GSE1: variants seen among roughly 807,000 people sequenced by gnomAD.
GSE1 encodes the protein genetic suppressor element 1.
In GSE1, 32 loss-of-function variants were observed where a neutral mutation model predicts 112.6. That is an observed-to-expected ratio of 0.28 (90% confidence interval 0.21 to 0.38). The LOEUF (loss-of-function observed/expected upper bound fraction) is 0.38. Ranked by LOEUF, GSE1 falls within the 10% of genes least tolerant of loss-of-function variation. GSE1 has a pLI of 1.00. For missense variants in GSE1, 2,348 were observed against 1,699.2 expected (o/e 1.38, Z -6.71); for synonymous variants, 1,115 against 735.6 (o/e 1.52, Z -8.35).
At chr16:85,555,137 G>A, upstream of GSE1, 4 of 985,338 alleles carry the variant, frequency 4.1e-6, no homozygotes, top group East Asian at 1.1e-4. Context: ...GCCGCCCGCC[G>A]CTGCGCCCCT....
intron 2 of GSE1, among the ~76,000 whole-genome samples, chr16:85,367,118 T>C (rs2047201043): frequency 1.3e-5 from 2 of 152,350 alleles, no homozygotes; most frequent in South Asian, 4.1e-4. Flanking sequence ...GCTGATAAAC[T>C]GTCACCAGGG....
intron 1 of GSE1, among the ~76,000 whole-genome samples, chr16:85,627,247 G>T: frequency 6.6e-6 from 1 of 151,212 alleles, no homozygotes; most frequent in African/African-American, 2.4e-5. Flanking sequence ...TGGGACCTGA[G>T]GGTTTTGCGG....
chr16:85,586,498 A>C (rs994284105), intron 1 of GSE1, among the ~76,000 whole-genome samples: 4 of 151,982 alleles, frequency 2.6e-5, no homozygotes, highest in Non-Finnish European at 5.9e-5. Context: ...CGGCCCTGGT[A>C]TGTTTGTTCT....
chr16:85,675,481 C>G lies in GSE1; in HGVS notation c.*2942C>G, dbSNP rs983533807. Reference sequence around the variant, plus strand: ...TCCACATTTTAGTCTACATTCTAATCTTAAAGGAATAAAGCACTGAATTGG... The same window carrying G: ...TCCACATTTTAGTCTACATTCTAATGTTAAAGGAATAAAGCACTGAATTGG... On this transcript the variant is annotated 3_prime_UTR_variant, in exon 16 of 16. Coordinates refer to ENST00000253458, the MANE Select transcript of GSE1 (RefSeq NM_014615.5). 9 of 152,192 alleles carry G rather than the reference C, an allele frequency of 5.9e-5. No individual in the cohort carries two copies. Among genetic ancestry groups the G allele is most frequent in the African/African-American group, 1.7e-4 (7 of 41,434 alleles). 9.4% of individuals were successfully genotyped at this position (152,192 alleles called of 1,614,324 possible). A position where few individuals can be genotyped will look rare whatever the true frequency, so the allele number is the denominator to read the frequency against.
At chr16:85,519,372 T>A (rs1598042579) in intron 2 of GSE1, among the ~76,000 whole-genome samples, 1 of 76,844 alleles carries the variant, frequency 1.3e-5, no homozygotes, top group Non-Finnish European at 2.5e-5. Flanking sequence ...ATCACCGGTC[T>A]CCATCATCAT....
chr16:85,204,025 C>T (rs1183422273), intron 1 of GSE1, among the ~76,000 whole-genome samples: 3 of 152,334 alleles, frequency 2.0e-5, no homozygotes, highest in East Asian at 1.9e-4. Context: ...TCGCCTCGGC[C>T]TCCCAAAGTG....
intron 1 of GSE1, among the ~76,000 whole-genome samples, chr16:85,331,437 A>G (rs1567692792): frequency 7.0e-6 from 1 of 143,808 alleles, no homozygotes; most frequent in African/African-American, 2.5e-5. Flanking sequence ...ATATGTATAT[A>G]TATGCGTATA....
intron 3 of GSE1, among the ~76,000 whole-genome samples, chr16:85,649,740 G>A (rs1234186350): frequency 6.6e-6 from 1 of 152,208 alleles, no homozygotes; most frequent in Non-Finnish European, 1.5e-5. Flanking sequence ...CAGAGGGACA[G>A]CCCCACTTGG....
In GSE1 at chr16:85,614,536, C is replaced by T. The variant is rs1236298657; in HGVS notation, c.7+1138C>T. On this transcript the variant is annotated intron_variant, in intron 1 of 15. Coordinates refer to ENST00000253458, the MANE Select transcript of GSE1 (RefSeq NM_014615.5). ...TCCCAGATGGGGGGAAGGGACACCG[C>T]GACACCCTCATTAGATGGGGGAGTG... 3.9e-5 allele frequency among the ~76,000 whole-genome samples: 6 copies of T among 152,286 alleles called. No homozygotes were observed. In the East Asian group the frequency reaches 1.2e-3, roughly 29 times the overall value.
At chr16:85,607,345 T>A (rs996313365), upstream of GSE1, among the ~76,000 whole-genome samples, 2 of 152,220 alleles carry the variant, frequency 1.3e-5, no homozygotes, top group African/African-American at 4.8e-5. Flanking sequence ...CGCACACGGC[T>A]TCCTTTTACT....
At chr16:85,171,148 G>C in exon 1 of GSE1, 3 of 985,664 alleles carry the variant, frequency 3.0e-6, no homozygotes, top group Non-Finnish European at 3.6e-6. Flanking sequence ...CAGCGTCCTG[G>C]AGGATGTCTG....
chr16:85,179,472 A>G (rs895466337), intron 1 of GSE1, among the ~76,000 whole-genome samples: 7 of 152,252 alleles, frequency 4.6e-5, no homozygotes, highest in South Asian at 4.2e-4. Context: ...CGCATGGGCA[A>G]GTGTTCACAG....
intron 2 of GSE1, among the ~76,000 whole-genome samples, chr16:85,460,333 G>C (rs879552073): frequency 5.9e-5 from 9 of 152,184 alleles, no homozygotes; most frequent in Admixed American, 5.9e-4. Context: ...TGATACAACT[G>C]CTCAGGGGTG....
chr16:85,374,644 G>A (rs953058181), intron 2 of GSE1, among the ~76,000 whole-genome samples: 1 of 152,170 alleles, frequency 6.6e-6, no homozygotes, highest in African/African-American at 2.4e-5. Flanking sequence ...CAGTAGCGTG[G>A]AGGCAATAGC....
chr16:85,484,208 G>C (rs2050765890), intron 2 of GSE1, among the ~76,000 whole-genome samples: 1 of 152,198 alleles, frequency 6.6e-6, no homozygotes, highest in Admixed American at 6.5e-5. Flanking sequence ...GCAAGACGTG[G>C]CCAGGGGCCA....
At chr16:85,598,455 A>G (rs995147020) in intron 1 of GSE1, among the ~76,000 whole-genome samples, 2 of 152,012 alleles carry the variant, frequency 1.3e-5, no homozygotes, top group Non-Finnish European at 2.9e-5. Flanking sequence ...CCTGCCTCCA[A>G]ACGATGCATA....
intron 2 of GSE1, among the ~76,000 whole-genome samples, chr16:85,513,031 T>C (rs1023841757): frequency 1.3e-5 from 2 of 152,178 alleles, no homozygotes; most frequent in Admixed American, 6.5e-5. Context: ...CGCTTGCCGC[T>C]GTCTGCTTTC....
chr16:85,596,729 A>G (rs965908032), intron 1 of GSE1, among the ~76,000 whole-genome samples: 6 of 152,180 alleles, frequency 3.9e-5, no homozygotes, highest in African/African-American at 1.2e-4. Context: ...CAGATGGACA[A>G]CGTTCTCTTC....
chr16:85,308,250 G>A (rs797010844), intron 1 of GSE1, among the ~76,000 whole-genome samples: 3 of 152,186 alleles, frequency 2.0e-5, no homozygotes, highest in South Asian at 4.1e-4. Context: ...AATCTCAGAG[G>A]GAGAGCTGGG....
Sources: allele counts gnomAD v4.1 joint callset (sites outside exome capture counted in the v4.1 genomes callset), GRCh38; gene constraint gnomAD v4.1.1; transcripts MANE v1.5; gene names NCBI Gene and HGNC (gene_info 2026-07-23, HGNC 2026-07-21).